The following FAM120AOS variants were observed in gnomAD, a reference collection of about 807,000 sequenced individuals.
FAM120AOS encodes uncharacterized protein FAM120AOS.
Under a neutral mutation model 20.2 loss-of-function variants are expected in FAM120AOS, and 15 were observed. The observed-to-expected ratio is 0.74, with a 90% CI of 0.50 to 1.15. The LOEUF (loss-of-function observed/expected upper bound fraction) is 1.15, where lower values mean the gene tolerates loss of function less well. FAM120AOS is among the 50% of genes most tolerant of loss of function. FAM120AOS has a pLI of 0.00. For missense variants in FAM120AOS, 327 were observed against 351.9 expected (o/e 0.93, Z 0.57); for synonymous variants, 154 against 154.0 (o/e 1.00, Z 0.00).
chr9:93,451,173 C>T (rs1857156742), intron 1 of FAM120AOS: 10 of 1,550,010 alleles, frequency 6.5e-6, no homozygotes, highest in Non-Finnish European at 8.7e-6. Flanking sequence ...CTCCCGGACC[C>T]CGCAGTCAGT....
intron 2 of FAM120AOS, among the ~76,000 whole-genome samples, chr9:93,449,204 A>G (rs1369026899): frequency 6.6e-6 from 1 of 152,174 alleles, no homozygotes; most frequent in Non-Finnish European, 1.5e-5. Context: ...CTAGACAAAT[A>G]CAGTTTCTGG....
chr9:93,452,472 G>A lies in FAM120AOS; in HGVS notation c.238C>T (p.Arg80Trp), dbSNP rs2131165930. 1.3e-6 allele frequency: 2 copies of A among 1,543,940 alleles called. No individual in the cohort carries two copies. Among genetic ancestry groups the A allele is most frequent in the Middle Eastern group, 2.1e-4 (1 of 4,792 alleles). The stretch of plus-strand genomic sequence containing the variant: ...CTTCCCAGGGCGCAGAATGTCGCCC[G>A]GCCGTGGCGGCGCTGGGGGCAGCGA... The part of the protein sequence containing the change: ...GTRCPQRRHG[R>W]ATFCALGRGI... The change falls in exon 1 of 3, where the codon CGG becomes TGG. Residue 80 changes from arginine to tryptophan, a missense_variant. Transcript: ENST00000375412. This position sits in a 1 kb window ranked among gnomAD's most constrained non-coding sequence, Gnocchi z 7.0.
chr9:93,451,653 G>A (rs1319709140), intron 1 of FAM120AOS: 12 of 976,164 alleles, frequency 1.2e-5, no homozygotes, highest in East Asian at 1.2e-4. Context: ...CCGCCCGCCC[G>A]CCCCGCCCCG....
Position 93,445,222 on chromosome 9 carries a change from C to T in FAM120AOS, c.*2389G>A, listed in dbSNP as rs1318037979. On this transcript the variant is annotated 3_prime_UTR_variant, in exon 3 of 3. Transcript: ENST00000375412. The stretch of plus-strand genomic sequence containing the variant: ...TGGGGATATTCAGCATTCCTTTTCC[C>T]TTCCTAAAGGTACTCAGGTTTCTTT... Among the ~76,000 whole-genome samples, 2 of 152,106 alleles carry T rather than the reference C, an allele frequency of 1.3e-5. No homozygotes were observed. The highest frequency in any genetic ancestry group is 2.1e-4 in the South Asian group (1 of 4,832).
chr9:93,453,084 TC>T lies in FAM120AOS; in HGVS notation c.-376del, dbSNP rs564828102. On this transcript the variant is annotated 5_prime_UTR_variant, in exon 1 of 3. An upstream open reading frame in the 5' UTR loses its in-frame stop. Coordinates refer to ENST00000375412, the MANE Select transcript of FAM120AOS (RefSeq NM_198841.4). ...ATGGGATTTTGTCAGTTCTGTGACT[TC>T]ACGTCCGTGTGAAAGAGGTCTTTAA... 166 of 1,068,134 alleles carry T rather than the reference TC, an allele frequency of 1.6e-4. No homozygotes were observed. Among genetic ancestry groups the T allele is most frequent in the Non-Finnish European group, 1.9e-4 (165 of 882,448 alleles). 66.2% of individuals were successfully genotyped at this position (1,068,134 alleles called of 1,614,324 possible).
Position 93,445,270 on chromosome 9 carries a change from C to T in FAM120AOS, c.*2341G>A, listed in dbSNP as rs1028484825. On this transcript the variant is annotated 3_prime_UTR_variant, in exon 3 of 3. Coordinates refer to ENST00000375412, the MANE Select transcript of FAM120AOS (RefSeq NM_198841.4). ...TTTCTCAGAAATTGTATATATTCAT[C>T]CCTGAAAGGTCTGAGAAAAAATAAA... Among the ~76,000 whole-genome samples the T allele has an allele frequency of 2.7e-5, 4 of 149,540 alleles. No homozygotes were observed. Among genetic ancestry groups the T allele is most frequent in the African/African-American group, 1.0e-4 (4 of 39,556 alleles).
At position 93,452,013 on chromosome 9, in the gene FAM120AOS, G is replaced by C; in HGVS notation, c.563+134C>G. 1 of 1,555,900 alleles carries C rather than the reference G, an allele frequency of 6.4e-7. No individual in the cohort carries two copies. The highest frequency in any genetic ancestry group is 8.7e-7 in the Non-Finnish European group (1 of 1,151,158). On this transcript the variant is annotated intron_variant, in intron 1 of 2. Transcript: ENST00000375412. This position sits in a 1 kb window ranked among gnomAD's most constrained non-coding sequence, Gnocchi z 7.0. ...AAGCTGGCCCGGGGCAGCCTGGTGG[G>C]CGGCGGGCGGCAGCGGCCCCCGCAG...
At chr9:93,451,378 G>A (rs115641885) in intron 1 of FAM120AOS, 3 of 1,405,818 alleles carry the variant, frequency 2.1e-6, no homozygotes, top group East Asian at 5.3e-5. Flanking sequence ...CGGAGGCGGC[G>A]GCCTCTCTGG....
intron 1 of FAM120AOS, chr9:93,451,319 C>T: frequency 6.9e-7 from 1 of 1,446,018 alleles, no homozygotes. Flanking sequence ...CAGGCGAGCT[C>T]TTCCCCAGGA....
At chr9:93,448,542 C>T in intron 2 of FAM120AOS, 1 of 166,782 alleles carries the variant, frequency 6.0e-6, no homozygotes, top group Non-Finnish European at 1.3e-5. Flanking sequence ...AAGAAAAAGT[C>T]CCCAACCATT....
At position 93,452,614 on chromosome 9, in the gene FAM120AOS, C is replaced by T. The variant is rs778668062; in HGVS notation, c.96G>A (p.Pro32=). The T allele has an allele frequency of 6.3e-7, 1 of 1,599,108 alleles. No homozygotes were observed. Among genetic ancestry groups the T allele is most frequent in the Non-Finnish European group, 8.5e-7 (1 of 1,179,772 alleles). ...LSQPSSVPTR[P]RTPNRDSWRR... is the part of the protein sequence containing the mutation. ...TCCAGCTGTCCCTGTTCGGGGTCCG[C>T]GGCCGCGTGGGGACACTTGAGGGCT... The change falls in exon 1 of 3, where the codon CCG becomes CCA. Residue 32 remains proline (P), a synonymous_variant. Transcript: ENST00000375412. The surrounding 1 kb of genome is among the most constrained non-coding windows in gnomAD (Gnocchi z 7.0).
Position 93,452,916 on chromosome 9 carries a change from A to G in FAM120AOS, c.-207T>C. The G allele has an allele frequency of 7.0e-7, 1 of 1,429,106 alleles. No homozygotes were observed. The highest frequency in any genetic ancestry group is 9.1e-7 in the Non-Finnish European group (1 of 1,098,740). The allele number at this position is 1,429,106 out of a possible 1,614,324, so 88.5% of individuals were successfully genotyped here. Reference sequence around the variant, plus strand: ...TTGCCAATGTTGTTAGCCCGGTGACAGCGAGACGTGTCTAAGGGCCAGTGC... The same window carrying G: ...TTGCCAATGTTGTTAGCCCGGTGACGGCGAGACGTGTCTAAGGGCCAGTGC... On this transcript the variant is annotated 5_prime_UTR_variant, in exon 1 of 3. Coordinates refer to ENST00000375412, the MANE Select transcript of FAM120AOS (RefSeq NM_198841.4). The surrounding 1 kb of genome is among the most constrained non-coding windows in gnomAD (Gnocchi z 7.0).
At position 93,452,832 on chromosome 9, in the gene FAM120AOS, A is replaced by G; in HGVS notation, c.-123T>C. 6.5e-7 allele frequency: 1 copy of G among 1,540,802 alleles called. No individual in the cohort carries two copies. Among genetic ancestry groups the G allele is most frequent in the South Asian group, 1.2e-5 (1 of 85,024 alleles). The stretch of plus-strand genomic sequence containing the variant: ...GGAAGCAGGCAGGATACAGAGTAAT[A>G]GAGGGGGTTTCGCCAGAGCCCTTGG... On this transcript the variant is annotated 5_prime_UTR_variant, in exon 1 of 3. Transcript: ENST00000375412. This position sits in a 1 kb window ranked among gnomAD's most constrained non-coding sequence, Gnocchi z 7.0.
intron 1 of FAM120AOS, chr9:93,451,092 C>A (rs1412546101): frequency 1.9e-6 from 3 of 1,550,614 alleles, no homozygotes; most frequent in Non-Finnish European, 2.6e-6. Context: ...GAGCACCTGC[C>A]GCGGAACTGC....
In FAM120AOS at chr9:93,443,894, T is replaced by C. The variant is rs191310081; in HGVS notation, c.*3717A>G. On this transcript the variant is annotated 3_prime_UTR_variant, in exon 3 of 3. Transcript: ENST00000375412. The stretch of plus-strand genomic sequence containing the variant: ...ATTACCTGCCTACACTGCCTGCTCA[T>C]TTTGCCAAAAGGAACGCCCCTCAGG... 1.3e-5 allele frequency among the ~76,000 whole-genome samples: 2 copies of C among 152,140 alleles called. No homozygotes were observed. Among genetic ancestry groups the C allele is most frequent in the Admixed American group, 1.3e-4 (2 of 15,272 alleles).
rs998952763 is a variant in FAM120AOS, at chr9:93,449,618, G to C, written c.684+861C>G. ...TTCTCCTGCCTCAGCCTCCCGAGTAGCTGGGACTACAGGTGCGCACCACCA... is the reference window on the plus strand; with the variant it reads ...TTCTCCTGCCTCAGCCTCCCGAGTACCTGGGACTACAGGTGCGCACCACCA... On this transcript the variant is annotated intron_variant, in intron 2 of 2. Coordinates refer to ENST00000375412, the MANE Select transcript of FAM120AOS (RefSeq NM_198841.4). 9.3e-5 allele frequency among the ~76,000 whole-genome samples: 14 copies of C among 149,982 alleles called. No individual in the cohort carries two copies. The Admixed American group carries it at 9.4e-4, about 10-fold the overall frequency.
At position 93,445,137 on chromosome 9, in the gene FAM120AOS, A is replaced by C. The variant is rs1185369590; in HGVS notation, c.*2474T>G. On this transcript the variant is annotated 3_prime_UTR_variant, in exon 3 of 3. Coordinates refer to ENST00000375412, the MANE Select transcript of FAM120AOS (RefSeq NM_198841.4). ...TCTCTTTGTCTTCTAAGGGCAGGGC[A>C]TCTTCTATCTTCTAGGACAGGGTAC... is the stretch of plus-strand genomic sequence containing the variant. Among the ~76,000 whole-genome samples, 1 of 152,200 alleles carries C rather than the reference A, an allele frequency of 6.6e-6. No individual in the cohort carries two copies. Among genetic ancestry groups the C allele is most frequent in the Non-Finnish European group, 1.5e-5 (1 of 68,042 alleles).
intron 1 of FAM120AOS, chr9:93,450,889 G>A (rs1857125840): frequency 1.0e-6 from 1 of 976,422 alleles, no homozygotes; most frequent in Non-Finnish European, 1.6e-6. Flanking sequence ...AAAGGCGCAC[G>A]TTTCAGTCTA....
In FAM120AOS at chr9:93,444,955, A is replaced by T. The variant is rs370986520; in HGVS notation, c.*2656T>A. On this transcript the variant is annotated 3_prime_UTR_variant, in exon 3 of 3. Transcript: ENST00000375412. ...AGAGAATCTTTGTGAGAAGATGTAG[A>T]TATTGGCTTCATAATAATAAAGTGA... Among the ~76,000 whole-genome samples the T allele has an allele frequency of 6.6e-6, 1 of 152,188 alleles. No homozygotes were observed. The highest frequency in any genetic ancestry group is 1.9e-4 in the East Asian group (1 of 5,198).
Sources: allele counts gnomAD v4.1 joint callset (sites outside exome capture counted in the v4.1 genomes callset), GRCh38; gene constraint gnomAD v4.1.1; non-coding constraint Gnocchi (gnomAD v3.1); transcripts MANE v1.5; gene names NCBI Gene and HGNC (gene_info 2026-07-23, HGNC 2026-07-21).